BCAS3: variants seen among roughly 807,000 people sequenced by gnomAD.
The protein encoded by BCAS3 is BCAS4/BCAS3 fusion.
A neutral mutation model predicts 116.1 loss-of-function variants in BCAS3; 53 were observed. The ratio of observed to expected loss-of-function variants is 0.46; its 90% CI spans 0.37 to 0.57. The LOEUF (loss-of-function observed/expected upper bound fraction) is 0.57, where lower values mean the gene tolerates loss of function less well. BCAS3 is among the 20% of genes least tolerant of loss of function. The probability of loss-of-function intolerance (pLI) is 0.00; values close to 1 mark genes in which losing one functional copy is unlikely to be tolerated. For synonymous variants in BCAS3, 391 were observed against 408.2 expected (o/e 0.96, Z 0.51); for missense variants, 917 against 1,165.4 (o/e 0.79, Z 3.10).
At chr17:60,706,167 ATTC>A in intron 4 of BCAS3, among the ~76,000 whole-genome samples, 1 of 151,996 alleles carries the variant, frequency 6.6e-6, no homozygotes, top group South Asian at 2.1e-4. Context: ...GGTTCAAGCA[ATTC>A]TTCTGCTTCA....
intron 22 of BCAS3, among the ~76,000 whole-genome samples, chr17:61,099,537 T>C (rs1238785516): frequency 6.6e-6 from 1 of 152,210 alleles, no homozygotes; most frequent in Non-Finnish European, 1.5e-5. Context: ...CTATGGTCAA[T>C]TGTGTAATCA....
rs869090870 is a variant in BCAS3, at chr17:61,059,063, C to CTTTTTTTTTTTTTTTTTTTTT, written c.2030-15840_2030-15820dup. Among the ~76,000 whole-genome samples the CTTTTTTTTTTTTTTTTTTTTT allele has an allele frequency of 5.8e-4, 19 of 32,802 alleles. 5 individuals carry two copies. The highest frequency in any genetic ancestry group is 8.5e-4 in the Admixed American group (2 of 2,366). The allele number at this position is 32,802 out of a possible 152,430, so 21.5% of individuals were successfully genotyped here. ...TCCCCGAACTCTTTTTTCTCCCCAT[C>CTTTTTTTTTTTTTTTTTTTTT]TTTTTTTTTTTTTTTTTTTTTTTTT... On this transcript the variant is annotated intron_variant, in intron 19 of 23. Transcript: ENST00000407086.
In BCAS3 at chr17:61,392,698, G is replaced by A. The variant is rs1299753105; in HGVS notation, c.*573G>A. The A allele has an allele frequency of 6.5e-6, 1 of 153,756 alleles. No individual in the cohort carries two copies. Among genetic ancestry groups the A allele is most frequent in the Non-Finnish European group, 1.4e-5 (1 of 69,290 alleles). The allele number at this position is 153,756 out of a possible 1,614,324, so 9.5% of individuals were successfully genotyped here. A position where few individuals can be genotyped will look rare whatever the true frequency, so the allele number is the denominator to read the frequency against. On this transcript the variant is annotated 3_prime_UTR_variant, in exon 24 of 24. Transcript: ENST00000407086. The surrounding 1 kb of genome is among the most constrained non-coding windows in gnomAD (Gnocchi z 6.4). ...CCTTTCTTTCCCCATCTGTTCATGGGAAGAGTTTGTCTTTCTTATCTTTAA... is the reference window on the plus strand; with the variant it reads ...CCTTTCTTTCCCCATCTGTTCATGGAAAGAGTTTGTCTTTCTTATCTTTAA...
rs552888097 is a variant in BCAS3 at position 61,298,791 on chromosome 17, A to T, written c.2426-69536A>T. ...TTCCAGTTCAAAGTAGTCACATGCC[A>T]TTATTTATTTATTTATTTATTTATT... On this transcript the variant is annotated intron_variant, in intron 22 of 23. Transcript: ENST00000407086. 1.0e-3 allele frequency among the ~76,000 whole-genome samples: 149 copies of T among 145,448 alleles called. 1 individual carries two copies. Among genetic ancestry groups the T allele is most frequent in the African/African-American group, 3.0e-3 (115 of 38,682 alleles).
At chr17:60,730,587 T>G (rs1203866840) in intron 5 of BCAS3, among the ~76,000 whole-genome samples, 2 of 152,178 alleles carry the variant, frequency 1.3e-5, no homozygotes, top group East Asian at 3.8e-4. Context: ...ACAAAAAACT[T>G]GTTCCCCTCT....
At chr17:60,844,322 A>G (rs967831546) in intron 7 of BCAS3, among the ~76,000 whole-genome samples, 2 of 152,226 alleles carry the variant, frequency 1.3e-5, no homozygotes, top group Non-Finnish European at 2.9e-5. Flanking sequence ...ATAAAAGGCA[A>G]TAGTTCCCTC....
chr17:61,275,369 C>T (rs2050679172), intron 22 of BCAS3, among the ~76,000 whole-genome samples: 1 of 151,988 alleles, frequency 6.6e-6, no homozygotes, highest in African/African-American at 2.4e-5. Context: ...TAGGTCTATA[C>T]AGGGCCTTAT....
At chr17:61,384,553 A>G (rs2059756243) in intron 23 of BCAS3, 1 of 152,194 alleles carries the variant, frequency 6.6e-6, no homozygotes, top group African/African-American at 2.4e-5. Flanking sequence ...GCCTCCTCGC[A>G]CAGTCCTCCT....
chr17:60,894,810 A>G (rs2057401883), intron 10 of BCAS3, among the ~76,000 whole-genome samples: 1 of 152,158 alleles, frequency 6.6e-6, no homozygotes, highest in Non-Finnish European at 1.5e-5. Context: ...TTTTTCTTGT[A>G]TCTATTGAGA....
intron 21 of BCAS3, among the ~76,000 whole-genome samples, chr17:61,080,616 C>T (rs745817070): frequency 2.0e-5 from 3 of 151,858 alleles, no homozygotes; most frequent in Admixed American, 6.6e-5. Flanking sequence ...AAAAATTAGC[C>T]GGGCATGGTG....
chr17:60,794,059 A>G (rs1379938003), intron 6 of BCAS3, among the ~76,000 whole-genome samples: 4 of 152,108 alleles, frequency 2.6e-5, no homozygotes, highest in Non-Finnish European at 5.9e-5. Flanking sequence ...CCGCATCCAC[A>G]CCAACATCTA....
In BCAS3 at chr17:61,203,423, T is replaced by G. The variant is rs944958872; in HGVS notation, c.2425+118859T>G. 6.6e-6 allele frequency among the ~76,000 whole-genome samples: 1 copy of G among 152,190 alleles called. No homozygotes were observed. ...TGCTCACCTCGGCCTCCCAAAGTGC[T>G]GGTATCACAGGTGTGAGCCACCGCG... On this transcript the variant is annotated intron_variant, in intron 22 of 23. Coordinates refer to ENST00000407086, the MANE Select transcript of BCAS3 (RefSeq NM_017679.5). This position sits in a 1 kb window ranked among gnomAD's most constrained non-coding sequence, Gnocchi z 5.7.
Position 61,325,861 on chromosome 17 carries a change from T to A in BCAS3, c.2426-42466T>A, listed in dbSNP as rs1332647978. 2.0e-5 allele frequency among the ~76,000 whole-genome samples: 3 copies of A among 152,112 alleles called. No individual in the cohort carries two copies. The highest frequency in any genetic ancestry group is 2.1e-4 in the South Asian group (1 of 4,826). The stretch of plus-strand genomic sequence containing the variant: ...CTGGGGACAGTCATCTGGGACCCAG[T>A]CATGCTGAATGTTTCTCTCACTAGA... On this transcript the variant is annotated intron_variant, in intron 22 of 23. Transcript: ENST00000407086. This position sits in a 1 kb window ranked among gnomAD's most constrained non-coding sequence, Gnocchi z 6.4.
At chr17:60,941,243 T>A (rs1376030997) in intron 13 of BCAS3, among the ~76,000 whole-genome samples, 1 of 152,212 alleles carries the variant, frequency 6.6e-6, no homozygotes, top group Non-Finnish European at 1.5e-5. Context: ...TTTCCTTGTA[T>A]TCCCAGATGA....
intron 17 of BCAS3, among the ~76,000 whole-genome samples, chr17:61,035,796 A>G (rs1600651328): frequency 6.6e-6 from 1 of 152,274 alleles, no homozygotes. Flanking sequence ...GATAGGTACT[A>G]TGGGACTAAT....
intron 22 of BCAS3, among the ~76,000 whole-genome samples, chr17:61,218,536 T>A (rs2081935381): frequency 6.6e-6 from 1 of 152,200 alleles, no homozygotes; most frequent in African/African-American, 2.4e-5. Flanking sequence ...TCCCTTCCTC[T>A]CACCAAGAGG....
intron 8 of BCAS3, 140 bp from the exon 9 acceptor site, chr17:60,874,522 A>G (rs1031181048): frequency 7.2e-6 from 4 of 556,118 alleles, no homozygotes; most frequent in South Asian, 2.9e-5. Flanking sequence ...TAGCCTAAAT[A>G]TTATAGGAAA....
chr17:61,082,853 A>G lies in BCAS3; in HGVS notation c.2328-1614A>G, dbSNP rs963664550. On this transcript the variant is annotated intron_variant, in intron 21 of 23. Transcript: ENST00000407086. The surrounding 1 kb of genome is among the most constrained non-coding windows in gnomAD (Gnocchi z 5.1). The stretch of plus-strand genomic sequence containing the variant: ...CAGTGATCAATATTTGTTAATCAGT[A>G]TTTTCACCTTCCGGTAATAGATCAT... 5.3e-5 allele frequency among the ~76,000 whole-genome samples: 8 copies of G among 152,086 alleles called. No individual in the cohort carries two copies. Among genetic ancestry groups the G allele is most frequent in the African/African-American group, 1.9e-4 (8 of 41,404 alleles).
chr17:61,265,964 A>G lies in BCAS3; in HGVS notation c.2426-102363A>G, dbSNP rs2049664294. 6.6e-6 allele frequency among the ~76,000 whole-genome samples: 1 copy of G among 152,172 alleles called. No individual in the cohort carries two copies. Among genetic ancestry groups the G allele is most frequent in the Non-Finnish European group, 1.5e-5 (1 of 68,040 alleles). On this transcript the variant is annotated intron_variant, in intron 22 of 23. Coordinates refer to ENST00000407086, the MANE Select transcript of BCAS3 (RefSeq NM_017679.5). This position sits in a 1 kb window ranked among gnomAD's most constrained non-coding sequence, Gnocchi z 4.3. Reference sequence around the variant, plus strand: ...AGTGTCACCTTTCATAGATACTAAAATATTTCCTTTCTTCATTTCTAATGA... The same window carrying G: ...AGTGTCACCTTTCATAGATACTAAAGTATTTCCTTTCTTCATTTCTAATGA...
Sources: allele counts gnomAD v4.1 joint callset (sites outside exome capture counted in the v4.1 genomes callset), GRCh38; gene constraint gnomAD v4.1.1; non-coding constraint Gnocchi (gnomAD v3.1); transcripts MANE v1.5; gene names NCBI Gene and HGNC (gene_info 2026-07-23, HGNC 2026-07-21).